The following ITGAM variants were observed in gnomAD, a reference collection of about 807,000 sequenced individuals.
The protein encoded by ITGAM is integrin alpha-M.
A neutral mutation model predicts 137.5 loss-of-function variants in ITGAM; 79 were observed. The observed-to-expected ratio is 0.57, with a 90% CI of 0.48 to 0.69. The LOEUF (loss-of-function observed/expected upper bound fraction) is 0.69, where lower values mean the gene tolerates loss of function less well. Among genes scored for constraint, ITGAM ranks in the 30% least tolerant of loss-of-function variants. The pLI, the probability that ITGAM is intolerant of heterozygous loss-of-function variation, is 0.00. For missense variants in ITGAM, 1,343 were observed against 1,483.5 expected (o/e 0.91, Z 1.56); for synonymous variants, 583 against 592.3 (o/e 0.98, Z 0.23).
At chr16:31,272,136 C>T in intron 7 of ITGAM, 144 bp downstream of exon 7, 1 of 915,064 alleles carries the variant, frequency 1.1e-6, no homozygotes, top group South Asian at 1.6e-5. Context: ...GTGGTGTGTT[C>T]ATCAAAGGAC....
Position 31,331,242 on chromosome 16 carries a change from G to C in ITGAM, c.3354G>C (p.Leu1118=). ...LIVGSSVGGL[L]LLALITAALY... is the part of the protein sequence containing the mutation. ...TGGGCAGCTCTGTCGGGGGACTGCT[G>C]CTCCTGGCCCTCATCACCGCCGCGC... The change falls in exon 29 of 30, where the codon CTG becomes CTC. Residue 1118 remains leucine (L), a synonymous_variant. Transcript: ENST00000544665. 1.9e-6 allele frequency: 3 copies of C among 1,612,860 alleles called. No homozygotes were observed. Among genetic ancestry groups the C allele is most frequent in the Non-Finnish European group, 2.5e-6 (3 of 1,179,388 alleles).
chr16:31,331,838 TGTGTGTGCAAGTGTGTATGTGC>T lies in ITGAM; in HGVS notation c.*146_*167del, dbSNP rs1265159042. The T allele has an allele frequency of 6.3e-5, 44 of 695,280 alleles. No individual in the cohort carries two copies. Among genetic ancestry groups the T allele is most frequent in the Non-Finnish European group, 9.0e-5 (37 of 412,706 alleles). 43.1% of individuals were successfully genotyped at this position (695,280 alleles called of 1,614,324 possible). A position where few individuals can be genotyped will look rare whatever the true frequency, so the allele number is the denominator to read the frequency against. Reference sequence around the variant, plus strand: ...CAGGACGGGCTTGGGCTTCCATTTGTGTGTGTGCAAGTGTGTATGTGCGTGTGTGCAAGTGTCTGTGTGCAAG... The same window carrying T: ...CAGGACGGGCTTGGGCTTCCATTTGTGTGTGTGCAAGTGTCTGTGTGCAAG... On this transcript the variant is annotated 3_prime_UTR_variant, in exon 30 of 30. Transcript: ENST00000544665.
chr16:31,294,301 C>T (rs1232384873), intron 12 of ITGAM, among the ~76,000 whole-genome samples: 4 of 152,114 alleles, frequency 2.6e-5, no homozygotes, highest in African/African-American at 9.7e-5. Context: ...TGAGCAAAGG[C>T]ATCCTTGTTT....
At chr16:31,299,818 C>T (rs1440735807) in intron 14 of ITGAM, among the ~76,000 whole-genome samples, 1 of 135,234 alleles carries the variant, frequency 7.4e-6, no homozygotes, top group East Asian at 2.1e-4. Context: ...TCCTCCTCCC[C>T]CTCCTCCCCC....
rs1567267833 is a variant in ITGAM at position 31,302,408 on chromosome 16, T to TC, written c.1707+4454_1707+4455insC. Among the ~76,000 whole-genome samples the TC allele has an allele frequency of 7.1e-3, 928 of 130,768 alleles. 10 individuals carry two copies. The highest frequency in any genetic ancestry group is 0.011 in the African/African-American group (336 of 30,934). The allele number at this position is 130,768 out of a possible 152,430, so 85.8% of individuals were successfully genotyped here. The stretch of plus-strand genomic sequence containing the variant: ...CTTTTCTTTTTTCTTTTCTTTTCTT[T>TC]TTTCTTTCTTTCTTTCTTTCTTCTT... On this transcript the variant is annotated intron_variant, in intron 14 of 29. Coordinates refer to ENST00000544665, the MANE Select transcript of ITGAM (RefSeq NM_000632.4).
rs1414152613 is a variant in ITGAM, at chr16:31,277,129, G to C, written c.1213+80G>C. ...CAACTAGCATAGATGTCTGGGTCTTGAATGAATGGGATACATATGTATGGG... is the reference window on the plus strand; with the variant it reads ...CAACTAGCATAGATGTCTGGGTCTTCAATGAATGGGATACATATGTATGGG... On this transcript the variant is annotated intron_variant, in intron 11 of 29. Coordinates refer to ENST00000544665, the MANE Select transcript of ITGAM (RefSeq NM_000632.4). 4.1e-6 allele frequency: 5 copies of C among 1,230,804 alleles called. No individual in the cohort carries two copies. In the East Asian group the frequency reaches 1.2e-4, roughly 30 times the overall value. The allele number at this position is 1,230,804 out of a possible 1,614,324, so 76.2% of individuals were successfully genotyped here.
chr16:31,290,767 A>T (rs1269163591), intron 12 of ITGAM, among the ~76,000 whole-genome samples: 2 of 152,132 alleles, frequency 1.3e-5, no homozygotes, highest in Non-Finnish European at 2.9e-5. Context: ...AAAAAAAAAT[A>T]TAAAGAGGAA....
intron 12 of ITGAM, among the ~76,000 whole-genome samples, chr16:31,294,812 A>G (rs2080117858): frequency 6.6e-6 from 1 of 152,150 alleles, no homozygotes; most frequent in South Asian, 2.1e-4. Flanking sequence ...TTGATTGTCA[A>G]GAAGCTTTTC....
At chr16:31,297,067 G>T (rs1158847223) in intron 12 of ITGAM, among the ~76,000 whole-genome samples, 1 of 151,990 alleles carries the variant, frequency 6.6e-6, no homozygotes, top group African/African-American at 2.4e-5. Context: ...ATTCTTCTTT[G>T]CTGCCTTAAT....
Position 31,324,589 on chromosome 16 carries a change from AAGCATGG to A in ITGAM, c.2157+39_2157+45del. Reference sequence around the variant, plus strand: ...TAGTGGCCAGACCCCTGGGTCTTCCAAGCATGGAGTGGGCTTGGGGAGCTGAGGAGGG... The same window carrying A: ...TAGTGGCCAGACCCCTGGGTCTTCCAAGTGGGCTTGGGGAGCTGAGGAGGG... On this transcript the variant is annotated intron_variant, in intron 17 of 29. Transcript: ENST00000544665. This position sits in a 1 kb window ranked among gnomAD's most constrained non-coding sequence, Gnocchi z 4.5. The A allele has an allele frequency of 6.2e-7, 1 of 1,610,440 alleles. No individual in the cohort carries two copies. Among genetic ancestry groups the A allele is most frequent in the Non-Finnish European group, 8.5e-7 (1 of 1,178,334 alleles).
At chr16:31,315,237 T>G (rs1351535061) in intron 14 of ITGAM, among the ~76,000 whole-genome samples, 1 of 152,224 alleles carries the variant, frequency 6.6e-6, no homozygotes, top group East Asian at 1.9e-4. Flanking sequence ...GTAGGTTGTC[T>G]CTTCACTCTG....
In ITGAM at chr16:31,321,555, A is replaced by G. The variant is rs1306305480; in HGVS notation, c.1930A>G (p.Lys644Glu). 1 of 1,614,032 alleles carries G rather than the reference A, an allele frequency of 6.2e-7. No individual in the cohort carries two copies. The highest frequency in any genetic ancestry group is 8.5e-7 in the Non-Finnish European group (1 of 1,179,892). ...NVFECNDQVVKGKEAGEVRVC... is the reference protein window; with the variant it reads ...NVFECNDQVVEGKEAGEVRVC... Reference sequence around the variant, plus strand: ...ATTTGAGTGTAATGATCAGGTGGTGAAAGGCAAGGAAGCCGGAGAGGTCAG... The same window carrying G: ...ATTTGAGTGTAATGATCAGGTGGTGGAAGGCAAGGAAGCCGGAGAGGTCAG... Residue 644 changes from lysine to glutamate, a missense_variant, in exon 16 of 30, where the codon AAA becomes GAA. Coordinates refer to ENST00000544665, the MANE Select transcript of ITGAM (RefSeq NM_000632.4).
chr16:31,288,098 G>A (rs1314469181), intron 12 of ITGAM, among the ~76,000 whole-genome samples: 1 of 152,112 alleles, frequency 6.6e-6, no homozygotes, highest in African/African-American at 2.4e-5. Flanking sequence ...GCCTGAGGTG[G>A]AAGCACAAGA....
chr16:31,273,272 G>T, intron 7 of ITGAM, 93 bp from the exon 8 acceptor site: 1 of 1,129,202 alleles, frequency 8.9e-7, no homozygotes, highest in Non-Finnish European at 1.3e-6. Context: ...CTCCAGCCTG[G>T]ATAACAGAGT....
intron 14 of ITGAM, among the ~76,000 whole-genome samples, chr16:31,308,668 C>T (rs1482837686): frequency 6.6e-6 from 1 of 152,180 alleles, no homozygotes; most frequent in Non-Finnish European, 1.5e-5. Flanking sequence ...CTGCTCTAAT[C>T]TTAGTTATTT....
chr16:31,321,570 G>A lies in ITGAM; in HGVS notation c.1945G>A (p.Gly649Arg), dbSNP rs763736373. Residue 649 changes from glycine to arginine, a missense_variant, in exon 16 of 30, where the codon GGA (glycine) becomes AGA (arginine). By Grantham distance (125) the Gly-to-Arg change is moderately radical. Transcript: ENST00000544665. ...TCAGGTGGTGAAAGGCAAGGAAGCC[G>A]GAGAGGTCAGAGTCTGCCTCCATGT... ...NDQVVKGKEAGEVRVCLHVQK... is the reference protein window; with the variant it reads ...NDQVVKGKEAREVRVCLHVQK... 1.5e-5 allele frequency: 25 copies of A among 1,613,880 alleles called. No individual in the cohort carries two copies. The highest frequency in any genetic ancestry group is 5.0e-5 in the Admixed American group (3 of 59,998).
intron 12 of ITGAM, among the ~76,000 whole-genome samples, chr16:31,293,456 T>G (rs191684290): frequency 6.6e-6 from 1 of 152,336 alleles, no homozygotes; most frequent in Non-Finnish European, 1.5e-5. Context: ...TTCAATCTTC[T>G]GCATATGGCT....
Position 31,308,371 on chromosome 16 carries a change from G to GCTGAA in ITGAM, c.1707+10417_1707+10418insCTGAA, listed in dbSNP as rs2080287556. ...AGAGATTCAGCTTCTTCCTGGTTTA[G>GCTGAA]TCTTGGGAGAGTGTATGTGTCGAGG... On this transcript the variant is annotated intron_variant, in intron 14 of 29. Transcript: ENST00000544665. Among the ~76,000 whole-genome samples the GCTGAA allele has an allele frequency of 4.6e-5, 7 of 152,158 alleles. No homozygotes were observed. The South Asian group carries it at 1.4e-3, about 32-fold the overall frequency.
At chr16:31,306,569 A>G (rs78042469) in intron 14 of ITGAM, among the ~76,000 whole-genome samples, 4,888 of 150,998 alleles carry the variant, frequency 0.032, 291 homozygotes, top group African/African-American at 0.11. Context: ...ACTGGAGTAC[A>G]GTGGCATGAT....
Sources: allele counts gnomAD v4.1 joint callset (sites outside exome capture counted in the v4.1 genomes callset), GRCh38; gene constraint gnomAD v4.1.1; non-coding constraint Gnocchi (gnomAD v3.1); transcripts MANE v1.5; gene names NCBI Gene and HGNC (gene_info 2026-07-23, HGNC 2026-07-21).